Variants in PCDHGB2 observed in about 807,000 individuals in gnomAD.
The protein encoded by PCDHGB2 is protocadherin gamma-B2.
PCDHGB2 carries 55 observed loss-of-function variants against 59.3 expected under a neutral mutation model. The ratio of observed to expected loss-of-function variants is 0.93; its 90% CI spans 0.75 to 1.16. The LOEUF (loss-of-function observed/expected upper bound fraction) is 1.16, where lower values mean the gene tolerates loss of function less well. Ranked by LOEUF, PCDHGB2 falls within the 50% of genes most tolerant of loss-of-function variation. PCDHGB2 has a pLI of 0.00. For missense variants in PCDHGB2, 1,228 were observed against 1,198.5 expected (o/e 1.02, Z -0.36); for synonymous variants, 516 against 512.0 (o/e 1.01, Z -0.11).
Position 141,485,486 on chromosome 5 carries a change from C to A in PCDHGB2, c.2422-9321C>A. On this transcript the variant is annotated intron_variant, in intron 1 of 3. Transcript: ENST00000522605. This position sits in a 1 kb window ranked among gnomAD's most constrained non-coding sequence, Gnocchi z 5.7. Reference sequence around the variant, plus strand: ...TGGGCTCAGTGCCAGCTGCATCGTGCCCCTGGAGTTTGTCACCGAAGGTCC... The same window carrying A: ...TGGGCTCAGTGCCAGCTGCATCGTGACCCTGGAGTTTGTCACCGAAGGTCC... 6.2e-7 allele frequency: 1 copy of A among 1,614,104 alleles called. No individual in the cohort carries two copies.
intron 1 of PCDHGB2, chr5:141,371,305 T>G: frequency 6.2e-7 from 1 of 1,613,940 alleles, no homozygotes; most frequent in Non-Finnish European, 8.5e-7. Context: ...CTCACCACTA[T>G]TGGAGAACTG....
intron 1 of PCDHGB2, chr5:141,419,521 C>T (rs1418329404): frequency 1.2e-6 from 2 of 1,612,122 alleles, no homozygotes; most frequent in East Asian, 2.2e-5. Context: ...TGGTGGGCGA[C>T]CGTAACGACA....
In PCDHGB2 at chr5:141,409,805, C is replaced by G. The variant is rs751397816; in HGVS notation, c.2421+47249C>G. ...CGCCTTCGCGCTCACGCTGCAGGCC[C>G]GCGACCACGGCTCGCCCACGCTCAG... On this transcript the variant is annotated intron_variant, in intron 1 of 3. Coordinates refer to ENST00000522605, the MANE Select transcript of PCDHGB2 (RefSeq NM_018923.3). 8 of 1,611,512 alleles carry G rather than the reference C, an allele frequency of 5.0e-6. No individual in the cohort carries two copies. In the African/African-American group the frequency reaches 5.3e-5, roughly 11 times the overall value.
intron 2 of PCDHGB2, among the ~76,000 whole-genome samples, chr5:141,502,401 G>A (rs191747075): frequency 2.0e-5 from 3 of 151,874 alleles, no homozygotes; most frequent in Admixed American, 1.3e-4. Flanking sequence ...AAATGTCCCC[G>A]AACCTGGATT....
chr5:141,460,157 C>T (rs1388985005), intron 1 of PCDHGB2, among the ~76,000 whole-genome samples: 1 of 151,968 alleles, frequency 6.6e-6, no homozygotes, highest in Admixed American at 6.6e-5. Context: ...CTCTTTGTCA[C>T]ATACATATTT....
chr5:141,421,227 C>T (rs1387397967), intron 1 of PCDHGB2: 1 of 1,587,020 alleles, frequency 6.3e-7, no homozygotes, highest in Non-Finnish European at 8.6e-7. Context: ...TAGAGCCTGC[C>T]ATGGCGAATC....
rs1472816403 is a variant in PCDHGB2 at position 141,451,473 on chromosome 5, C to T, written c.2422-43334C>T. On this transcript the variant is annotated intron_variant, in intron 1 of 3. Transcript: ENST00000522605. ...TGTTAGCTTGAGGTCTACCTCAGTTCCTTGCCATGTGGACCTCCATAGGGC... is the reference window on the plus strand; with the variant it reads ...TGTTAGCTTGAGGTCTACCTCAGTTTCTTGCCATGTGGACCTCCATAGGGC... Among the ~76,000 whole-genome samples the T allele has an allele frequency of 2.0e-5, 3 of 152,218 alleles. No homozygotes were observed. In the East Asian group the frequency reaches 5.8e-4, roughly 29 times the overall value.
chr5:141,374,436 C>T, intron 1 of PCDHGB2: 3 of 1,613,872 alleles, frequency 1.9e-6, no homozygotes, highest in Non-Finnish European at 2.5e-6. Context: ...AATCTTTATC[C>T]CGTGGAAGTG....
chr5:141,441,838 C>T, intron 1 of PCDHGB2: 4 of 355,582 alleles, frequency 1.1e-5, no homozygotes, highest in South Asian at 9.6e-5. Flanking sequence ...TGGCTTCGCG[C>T]TCTTGGATAT....
chr5:141,366,178 C>T (rs778986920), intron 1 of PCDHGB2: 3 of 1,614,044 alleles, frequency 1.9e-6, no homozygotes, highest in East Asian at 2.2e-5. Context: ...AGCCAGGACT[C>T]TTTGCGGTTG....
chr5:141,395,515 C>A, intron 1 of PCDHGB2: 1 of 407,332 alleles, frequency 2.5e-6, no homozygotes, highest in Non-Finnish European at 4.4e-6. Flanking sequence ...AGTAGCTACC[C>A]GTCCATACTG....
Position 141,486,390 on chromosome 5 carries a change from C to T in PCDHGB2, c.2422-8417C>T. 6.2e-7 allele frequency: 1 copy of T among 1,614,138 alleles called. No homozygotes were observed. The highest frequency in any genetic ancestry group is 1.1e-5 in the South Asian group (1 of 91,084). On this transcript the variant is annotated intron_variant, in intron 1 of 3. Coordinates refer to ENST00000522605, the MANE Select transcript of PCDHGB2 (RefSeq NM_018923.3). This position sits in a 1 kb window ranked among gnomAD's most constrained non-coding sequence, Gnocchi z 5.0. ...AAGTCTGCCTTCAGGAACCAGTTCTCCCTGGTGACTGCTGGACCCTTGGAT... is the reference window on the plus strand; with the variant it reads ...AAGTCTGCCTTCAGGAACCAGTTCTTCCTGGTGACTGCTGGACCCTTGGAT...
intron 1 of PCDHGB2, among the ~76,000 whole-genome samples, chr5:141,443,679 A>G (rs1158105871): frequency 6.6e-6 from 1 of 152,268 alleles, no homozygotes; most frequent in African/African-American, 2.4e-5. Flanking sequence ...AGTAGTTTAC[A>G]AACACTTCAA....
At chr5:141,472,295 A>G (rs147192748) in intron 1 of PCDHGB2, among the ~76,000 whole-genome samples, 8,225 of 152,254 alleles carry the variant, frequency 0.054, 462 homozygotes, top group African/African-American at 0.15. Flanking sequence ...TAATCCCAGC[A>G]CTTTGGGAAG....
Position 141,476,735 on chromosome 5 carries a change from G to C in PCDHGB2, c.2422-18072G>C, listed in dbSNP as rs1267556668. The C allele has an allele frequency of 6.2e-7, 1 of 1,613,974 alleles. No individual in the cohort carries two copies. Among genetic ancestry groups the C allele is most frequent in the African/African-American group, 1.3e-5 (1 of 74,940 alleles). On this transcript the variant is annotated intron_variant, in intron 1 of 3. Coordinates refer to ENST00000522605, the MANE Select transcript of PCDHGB2 (RefSeq NM_018923.3). This position sits in a 1 kb window ranked among gnomAD's most constrained non-coding sequence, Gnocchi z 7.6. ...GGAGCGCGCCCTGGACCGAGAACGG[G>C]AGCCTAGTCTCCAGTTAGTGCTGAC...
At chr5:141,384,798 G>A in intron 1 of PCDHGB2, 3 of 1,613,448 alleles carry the variant, frequency 1.9e-6, no homozygotes, top group Non-Finnish European at 2.5e-6. Flanking sequence ...GGGCCCTGCT[G>A]GACAGAGATG....
At chr5:141,452,831 G>A (rs1184490491) in intron 1 of PCDHGB2, among the ~76,000 whole-genome samples, 1 of 152,104 alleles carries the variant, frequency 6.6e-6, no homozygotes, top group Non-Finnish European at 1.5e-5. Flanking sequence ...AAAATCACTT[G>A]GTCCAGCCCA....
intron 1 of PCDHGB2, chr5:141,418,309 G>A (rs756375907): frequency 6.2e-7 from 1 of 1,614,008 alleles, no homozygotes; most frequent in South Asian, 1.1e-5. Flanking sequence ...GCCTGGGGAT[G>A]GGAACAATTC....
At chr5:141,434,035 T>C (rs2154556047) in intron 1 of PCDHGB2, among the ~76,000 whole-genome samples, 1 of 152,316 alleles carries the variant, frequency 6.6e-6, no homozygotes, top group Non-Finnish European at 1.5e-5. Flanking sequence ...AAGCATGGTT[T>C]TCTATTTTAT....
Sources: gnomAD v4.1 joint callset for allele counts (sites outside exome capture counted in the v4.1 genomes callset) on GRCh38, gnomAD v4.1.1 for gene constraint, Gnocchi (gnomAD v3.1) non-coding constraint, MANE v1.5 for transcripts, NCBI Gene and HGNC (gene_info 2026-07-23, HGNC 2026-07-21) for gene names.